OR2L13: variants seen among roughly 807,000 people sequenced by gnomAD.
OR2L13 encodes the protein olfactory receptor 2L13.
Under a neutral mutation model 15.3 loss-of-function variants are expected in OR2L13, and 14 were observed. The observed-to-expected ratio is 0.91, with a 90% CI of 0.60 to 1.43. The LOEUF is 1.43. OR2L13 is among the 40% of genes most tolerant of loss of function. OR2L13 has a pLI of 0.00. For missense variants in OR2L13, 367 were observed against 387.9 expected, an observed-to-expected ratio of 0.95 and a Z score of 0.45; for synonymous variants, 152 against 142.9, an observed-to-expected ratio of 1.06 and a Z score of -0.45.
the OR2L13 span, among the ~76,000 whole-genome samples, chr1:248,068,669 C>G: frequency 6.6e-6 from 1 of 152,184 alleles, no homozygotes; most frequent in African/African-American, 2.4e-5. Context: ...GACGATCAAA[C>G]TACTCCGAGC....
the OR2L13 span, chr1:248,035,433 A>T: frequency 1.3e-5 from 2 of 151,826 alleles, no homozygotes; most frequent in African/African-American, 4.8e-5. Flanking sequence ...TGGGTGACAG[A>T]GCGAGACTCC....
chr1:247,993,974 G>A, the OR2L13 span, among the ~76,000 whole-genome samples: 1 of 152,140 alleles, frequency 6.6e-6, no homozygotes, highest in Non-Finnish European at 1.5e-5. Context: ...TGGCAGGGAT[G>A]CAGGAATGTC....
At chr1:247,986,613 A>T in the OR2L13 span, among the ~76,000 whole-genome samples, 5 of 152,174 alleles carry the variant, frequency 3.3e-5, no homozygotes, top group African/African-American at 1.2e-4. Context: ...TTGGTTCCAT[A>T]TGAACTTTAA....
the OR2L13 span, chr1:247,975,601 A>G: frequency 7.6e-7 from 1 of 1,313,178 alleles, no homozygotes; most frequent in Non-Finnish European, 1.1e-6. Flanking sequence ...CCTGAGAAAC[A>G]GGGAGGTGAT....
the OR2L13 span, among the ~76,000 whole-genome samples, chr1:248,042,540 A>G: frequency 6.6e-6 from 1 of 152,036 alleles, no homozygotes; most frequent in Non-Finnish European, 1.5e-5. Context: ...ATAAATTGCA[A>G]AAAAACAAAA....
chr1:247,984,229 CATTATTATT>C, the OR2L13 span, among the ~76,000 whole-genome samples: 3 of 148,506 alleles, frequency 2.0e-5, no homozygotes, highest in East Asian at 4.0e-4. Flanking sequence ...GAAAATAAGT[CATTATTATT>C]ATTATTATTA....
At chr1:247,943,139 T>C in the OR2L13 span, among the ~76,000 whole-genome samples, 3 of 152,184 alleles carry the variant, frequency 2.0e-5, no homozygotes, top group East Asian at 5.8e-4. Flanking sequence ...CTTTGGGCTA[T>C]TGTGAATAAT....
At chr1:248,069,018 G>A in the OR2L13 span, among the ~76,000 whole-genome samples, 928 of 152,268 alleles carry the variant, frequency 6.1e-3, 14 homozygotes, top group African/African-American at 0.021. Flanking sequence ...TGAAAGTGAC[G>A]GGGAGAATGG....
chr1:248,009,146 A>G, the OR2L13 span, among the ~76,000 whole-genome samples: 1 of 152,108 alleles, frequency 6.6e-6, no homozygotes, highest in African/African-American at 2.4e-5. Context: ...GCAAACCCAA[A>G]CAAATTCAAA....
At chr1:247,959,496 C>A in the OR2L13 span, among the ~76,000 whole-genome samples, 1 of 151,966 alleles carries the variant, frequency 6.6e-6, no homozygotes, top group Admixed American at 6.6e-5. Flanking sequence ...GCCTGCCTTG[C>A]TAGATTGGGA....
the OR2L13 span, among the ~76,000 whole-genome samples, chr1:248,049,346 T>C: frequency 6.6e-6 from 1 of 152,246 alleles, no homozygotes; most frequent in South Asian, 2.1e-4. Flanking sequence ...TGATGCTTTT[T>C]GACTTCAAAA....
At chr1:248,027,158 T>C in the OR2L13 span, among the ~76,000 whole-genome samples, 2 of 152,188 alleles carry the variant, frequency 1.3e-5, no homozygotes, top group African/African-American at 4.8e-5. Flanking sequence ...ACTTTGGGGA[T>C]GGCTGTCTTT....
At chr1:247,995,950 AGT>A in the OR2L13 span, among the ~76,000 whole-genome samples, 6 of 152,288 alleles carry the variant, frequency 3.9e-5, no homozygotes, top group Admixed American at 2.0e-4. Context: ...CAGGATGCAG[AGT>A]CTTCATCTCC....
the OR2L13 span, chr1:248,022,686 G>C: frequency 6.2e-7 from 1 of 1,614,112 alleles, no homozygotes; most frequent in Non-Finnish European, 8.5e-7. Flanking sequence ...CCTCACTGTA[G>C]TAACTTTCTA....
the OR2L13 span, among the ~76,000 whole-genome samples, chr1:248,074,755 G>A: frequency 6.6e-6 from 1 of 152,030 alleles, no homozygotes; most frequent in Non-Finnish European, 1.5e-5. Context: ...GACAGAATTT[G>A]TACCCCAAAG....
the OR2L13 span, chr1:247,966,199 G>A: frequency 1.4e-3 from 2,229 of 1,613,824 alleles, 27 homozygotes; most frequent in African/African-American, 0.023. Context: ...TAAGGCGGTG[G>A]CAGTATTTTA....
the OR2L13 span, among the ~76,000 whole-genome samples, chr1:248,073,669 T>TA: frequency 2.5e-4 from 38 of 149,658 alleles, no homozygotes; most frequent in African/African-American, 8.8e-4. Flanking sequence ...AAAATAAAAA[T>TA]AAAAAAAAGA....
the OR2L13 span, chr1:248,029,124 G>A: frequency 3.1e-4 from 47 of 152,184 alleles, 1 homozygote; most frequent in Admixed American, 3.1e-3. Context: ...CAGATTGGCT[G>A]GTCCAAGTGT....
At chr1:248,084,164 C>A in the OR2L13 span, 6 of 1,611,614 alleles carry the variant, frequency 3.7e-6, no homozygotes, top group Non-Finnish European at 4.2e-6. Flanking sequence ...GCCAGGACGA[C>A]ATGGTCATCC....
Sources: gnomAD v4.1 joint callset for allele counts (sites outside exome capture counted in the v4.1 genomes callset) on GRCh38, gnomAD v4.1.1 for gene constraint, MANE v1.5 for transcripts, NCBI Gene and HGNC (gene_info 2026-07-23, HGNC 2026-07-21) for gene names.